Variants in MTMR14 observed in about 807,000 individuals in gnomAD.
MTMR14 encodes the protein myotubularin related protein 14.
A neutral mutation model predicts 86.3 loss-of-function variants in MTMR14; 48 were observed. That is an observed-to-expected ratio of 0.56 (90% confidence interval 0.44 to 0.71). The LOEUF (loss-of-function observed/expected upper bound fraction) is 0.71. Among genes scored for constraint, MTMR14 ranks in the 30% least tolerant of loss-of-function variants. MTMR14 has a pLI of 0.00. For synonymous variants in MTMR14, 366 were observed against 326.1 expected, an observed-to-expected ratio of 1.12 and a Z score of -1.32; for missense variants, 780 against 834.6, an observed-to-expected ratio of 0.93 and a Z score of 0.81.
chr3:9,672,616 T>C (rs1574995954), intron 6 of MTMR14, 69 bp from the exon 7 acceptor site: 4 of 1,334,308 alleles, frequency 3.0e-6, no homozygotes, highest in South Asian at 1.2e-5. Flanking sequence ...TTATAACCCT[T>C]ATTTGGGGAA....
rs1189517473 is a variant in MTMR14 at position 9,687,840 on chromosome 3, A to AT, written c.1190dup (p.Leu397PhefsTer67). The AT allele has an allele frequency of 6.3e-7, 1 of 1,581,320 alleles. No individual in the cohort carries two copies. Among genetic ancestry groups the AT allele is most frequent in the Non-Finnish European group, 8.6e-7 (1 of 1,160,946 alleles). The stretch of plus-strand genomic sequence containing the variant: ...CTTTAGATTTTCTTCTTCTGCTTCA[A>AT]TTTTTTGAAGCATATTACCTCCGAG... On this transcript the variant is annotated frameshift_variant, in exon 14 of 19. Coordinates refer to ENST00000296003, the MANE Select transcript of MTMR14 (RefSeq NM_001077525.3). LOFTEE classifies it high-confidence loss of function.
At chr3:9,682,124 G>A (rs1412160560) in intron 9 of MTMR14, among the ~76,000 whole-genome samples, 1 of 152,214 alleles carries the variant, frequency 6.6e-6, no homozygotes, top group Non-Finnish European at 1.5e-5. Context: ...CATTGGCAAT[G>A]GTGTGTCTGA....
intron 6 of MTMR14, among the ~76,000 whole-genome samples, chr3:9,672,436 T>C (rs2048616571): frequency 6.6e-6 from 1 of 152,188 alleles, no homozygotes; most frequent in Non-Finnish European, 1.5e-5. Flanking sequence ...AGACAATGTT[T>C]CACCATGTTG....
intron 14 of MTMR14, among the ~76,000 whole-genome samples, chr3:9,688,376 G>A (rs933089492): frequency 1.3e-5 from 2 of 152,212 alleles, no homozygotes; most frequent in African/African-American, 2.4e-5. Flanking sequence ...TGTAAGAGTT[G>A]GGGTCTTGCC....
intron 2 of MTMR14, among the ~76,000 whole-genome samples, chr3:9,657,664 C>T (rs750292360): frequency 6.6e-6 from 1 of 152,166 alleles, no homozygotes; most frequent in South Asian, 2.1e-4. Flanking sequence ...GATTCTCCTG[C>T]CTCAGCCTCC....
chr3:9,659,871 G>GT, intron 2 of MTMR14: 1 of 455,638 alleles, frequency 2.2e-6, no homozygotes, highest in South Asian at 1.5e-5. Flanking sequence ...TCCACCAGGG[G>GT]TGTTTTGTTT....
chr3:9,683,280 C>T (rs1453097115), intron 10 of MTMR14, 36 bp downstream of exon 10: 1 of 1,593,770 alleles, frequency 6.3e-7, no homozygotes, highest in African/African-American at 1.3e-5. Flanking sequence ...CGAGCCACTG[C>T]ACCCTTGGGG....
At chr3:9,691,261 G>T (rs1254333557) in intron 17 of MTMR14, among the ~76,000 whole-genome samples, 1 of 152,164 alleles carries the variant, frequency 6.6e-6, no homozygotes, top group Admixed American at 6.5e-5. Context: ...ACCGCCACAC[G>T]CCGTCTGGCC....
At chr3:9,690,482 C>G (rs1363387797) in intron 17 of MTMR14, among the ~76,000 whole-genome samples, 1 of 152,198 alleles carries the variant, frequency 6.6e-6, no homozygotes, top group African/African-American at 2.4e-5. Context: ...AGAGATAGAT[C>G]TAGATTCTGA....
rs138537727 is a variant in MTMR14 at position 9,655,957 on chromosome 3, C to T, written c.308+2188C>T. ...TGCTGGCTCACACCTGTAATCCCAG[C>T]ACTTTGAGAGTCCAAGATCATGAGG... On this transcript the variant is annotated intron_variant, in intron 2 of 18. Coordinates refer to ENST00000296003, the MANE Select transcript of MTMR14 (RefSeq NM_001077525.3). Among the ~76,000 whole-genome samples, 4 of 152,052 alleles carry T rather than the reference C, an allele frequency of 2.6e-5. 1 individual carries two copies. The highest frequency in any genetic ancestry group is 9.6e-5 in the African/African-American group (4 of 41,516).
chr3:9,676,437 T>A (rs530121589), intron 7 of MTMR14, among the ~76,000 whole-genome samples: 1 of 152,236 alleles, frequency 6.6e-6, no homozygotes, highest in African/African-American at 2.4e-5. Flanking sequence ...AGTAGTTGAC[T>A]TCACGCTGTG....
At chr3:9,687,439 C>T (rs2075995257) in intron 13 of MTMR14, among the ~76,000 whole-genome samples, 1 of 152,004 alleles carries the variant, frequency 6.6e-6, no homozygotes, top group South Asian at 2.1e-4. Flanking sequence ...CCTGTAGTCC[C>T]AGCTACTCGG....
intron 14 of MTMR14, 81 bp from the exon 15 acceptor site, chr3:9,688,615 A>G: frequency 3.2e-6 from 5 of 1,542,522 alleles, no homozygotes; most frequent in Non-Finnish European, 4.5e-6. Flanking sequence ...GCTGCTTTCC[A>G]GGACAGGCAG....
intron 3 of MTMR14, among the ~76,000 whole-genome samples, chr3:9,664,998 T>C (rs1376309377): frequency 6.6e-6 from 1 of 152,104 alleles, no homozygotes; most frequent in Non-Finnish European, 1.5e-5. Flanking sequence ...TGTATCAAAA[T>C]ATCGGCCGGG....
chr3:9,698,889 C>T (rs1344738617), intron 18 of MTMR14, among the ~76,000 whole-genome samples: 2 of 152,068 alleles, frequency 1.3e-5, no homozygotes, highest in African/African-American at 4.8e-5. Context: ...AAATTGCAGG[C>T]CGGGCATGGT....
intron 17 of MTMR14, among the ~76,000 whole-genome samples, chr3:9,695,485 C>T (rs759519815): frequency 3.3e-5 from 5 of 152,168 alleles, no homozygotes; most frequent in Non-Finnish European, 7.3e-5. Context: ...CTAATCCATC[C>T]GACAGCTGCT....
rs774362712 is a variant in MTMR14 at position 9,678,040 on chromosome 3, T to C, written c.879T>C (p.Ile293=). The C allele has an allele frequency of 1.9e-6, 3 of 1,613,888 alleles. No homozygotes were observed. Among genetic ancestry groups the C allele is most frequent in the African/African-American group, 2.7e-5 (2 of 74,894 alleles). ...ACTTCCTGACTCACTCTCTGAACATTGACTGGAGCCAGTATCAGGTGAGGG... is the reference window on the plus strand; with the variant it reads ...ACTTCCTGACTCACTCTCTGAACATCGACTGGAGCCAGTATCAGGTGAGGG... ...IPDFLTHSLN[I]DWSQYQCWDL... The change falls in exon 9 of 19, where the codon ATT becomes ATC. Residue 293 remains isoleucine, a synonymous_variant. Coordinates refer to ENST00000296003, the MANE Select transcript of MTMR14 (RefSeq NM_001077525.3).
At chr3:9,664,996 A>T (rs1041969145) in intron 3 of MTMR14, among the ~76,000 whole-genome samples, 3 of 152,126 alleles carry the variant, frequency 2.0e-5, no homozygotes, top group Non-Finnish European at 4.4e-5. Flanking sequence ...CCTGTATCAA[A>T]ATATCGGCCG....
At chr3:9,655,184 T>G (rs1432388075) in intron 2 of MTMR14, among the ~76,000 whole-genome samples, 1 of 151,988 alleles carries the variant, frequency 6.6e-6, no homozygotes, top group Non-Finnish European at 1.5e-5. Flanking sequence ...CTGGCCAACA[T>G]GGTGAAACCC....
Sources: allele counts gnomAD v4.1 joint callset (sites outside exome capture counted in the v4.1 genomes callset), GRCh38; gene constraint gnomAD v4.1.1; transcripts MANE v1.5; gene names NCBI Gene and HGNC (gene_info 2026-07-23, HGNC 2026-07-21).